The following CDH12 variants were observed in gnomAD, a reference collection of about 807,000 sequenced individuals.
The protein encoded by CDH12 is cadherin 12.
In CDH12, 41 loss-of-function variants were observed where a neutral mutation model predicts 74.1. The ratio of observed to expected loss-of-function variants is 0.55; its 90% confidence interval spans 0.43 to 0.72. The LOEUF (loss-of-function observed/expected upper bound fraction) is 0.72. Ranked by LOEUF, CDH12 falls within the 30% of genes least tolerant of loss-of-function variation. CDH12 has a pLI of 0.00. For synonymous variants in CDH12, 399 were observed against 355.0 expected, an observed-to-expected ratio of 1.12 and a Z score of -1.39; for missense variants, 945 against 977.2, an observed-to-expected ratio of 0.97 and a Z score of 0.44.
chr5:22,180,756 C>T (rs1580366267), intron 4 of CDH12, among the ~76,000 whole-genome samples: 1 of 152,064 alleles, frequency 6.6e-6, no homozygotes, highest in South Asian at 2.1e-4. Context: ...CTGTCTCAGC[C>T]TCCCAAAGTG....
At chr5:22,136,941 G>A (rs1197408141) in intron 4 of CDH12, among the ~76,000 whole-genome samples, 2 of 151,560 alleles carry the variant, frequency 1.3e-5, no homozygotes, top group Non-Finnish European at 2.9e-5. Context: ...GGAATTGTAA[G>A]CAAGGGAAGA....
chr5:22,820,040 T>C (rs1436050085), intron 1 of CDH12, among the ~76,000 whole-genome samples: 1 of 147,436 alleles, frequency 6.8e-6, no homozygotes, highest in East Asian at 2.0e-4. Context: ...CATATACATA[T>C]ATATACATAT....
intron 1 of CDH12, among the ~76,000 whole-genome samples, chr5:22,566,790 T>TA (rs1739308542): frequency 6.6e-6 from 1 of 152,134 alleles, no homozygotes; most frequent in Non-Finnish European, 1.5e-5. Flanking sequence ...ATAATAACAT[T>TA]ACTAAACAGG....
intron 1 of CDH12, among the ~76,000 whole-genome samples, chr5:22,682,927 G>A (rs1741573197): frequency 6.6e-6 from 1 of 152,086 alleles, no homozygotes; most frequent in South Asian, 2.1e-4. Context: ...ATATCACCCA[G>A]TGAGATGATC....
chr5:22,574,518 T>C (rs1016671733), intron 1 of CDH12, among the ~76,000 whole-genome samples: 1 of 152,176 alleles, frequency 6.6e-6, no homozygotes, highest in African/African-American at 2.4e-5. Context: ...ATCAAACTTA[T>C]TAATCTGTAC....
At chr5:22,625,268 C>T (rs1375164176) in intron 1 of CDH12, among the ~76,000 whole-genome samples, 1 of 152,010 alleles carries the variant, frequency 6.6e-6, no homozygotes, top group East Asian at 1.9e-4. Flanking sequence ...AACAAACCTG[C>T]ACATTGTGCA....
intron 1 of CDH12, among the ~76,000 whole-genome samples, chr5:22,574,622 C>G (rs1739694732): frequency 1.3e-5 from 2 of 152,042 alleles, no homozygotes. Flanking sequence ...AGATGGATTT[C>G]TATTATATGT....
chr5:22,322,247 C>G (rs1161058114), intron 3 of CDH12, among the ~76,000 whole-genome samples: 1 of 151,968 alleles, frequency 6.6e-6, no homozygotes, highest in Non-Finnish European at 1.5e-5. Flanking sequence ...AAGGCACCAG[C>G]TTAGGATTCC....
intron 5 of CDH12, among the ~76,000 whole-genome samples, chr5:22,065,570 C>A (rs184073652): frequency 6.6e-6 from 1 of 152,018 alleles, no homozygotes; most frequent in South Asian, 2.1e-4. Context: ...ACATTGGTAA[C>A]GCTAGAATGG....
At chr5:22,179,480 G>A (rs923650925) in intron 4 of CDH12, among the ~76,000 whole-genome samples, 1 of 152,088 alleles carries the variant, frequency 6.6e-6, no homozygotes, top group Non-Finnish European at 1.5e-5. Context: ...AAAGTTGGAA[G>A]ATAAATTAAA....
At chr5:22,392,469 C>A in intron 3 of CDH12, among the ~76,000 whole-genome samples, 1 of 152,154 alleles carries the variant, frequency 6.6e-6, no homozygotes, top group East Asian at 1.9e-4. Context: ...ACGTATTCAT[C>A]TGTAAAATGA....
chr5:22,633,530 G>T (rs1191250839), intron 1 of CDH12, among the ~76,000 whole-genome samples: 2 of 152,154 alleles, frequency 1.3e-5, no homozygotes, highest in African/African-American at 2.4e-5. Context: ...ACTAACATTT[G>T]AATTGGTGGA....
chr5:22,375,664 T>C (rs1439707995), intron 3 of CDH12, among the ~76,000 whole-genome samples: 2 of 152,036 alleles, frequency 1.3e-5, no homozygotes, highest in African/African-American at 4.8e-5. Context: ...AAAGAAGACA[T>C]ACAAATGGCT....
At chr5:22,071,559 C>T (rs1741939722) in intron 5 of CDH12, among the ~76,000 whole-genome samples, 1 of 152,046 alleles carries the variant, frequency 6.6e-6, no homozygotes, top group Non-Finnish European at 1.5e-5. Flanking sequence ...TTGCCTTTTG[C>T]CTCTTACTAA....
intron 1 of CDH12, among the ~76,000 whole-genome samples, chr5:22,579,977 A>C (rs1739999181): frequency 6.6e-6 from 1 of 152,214 alleles, no homozygotes; most frequent in African/African-American, 2.4e-5. Flanking sequence ...GCCTTGCTAC[A>C]TGCTCTGGCC....
intron 3 of CDH12, among the ~76,000 whole-genome samples, chr5:22,250,329 T>C (rs1753094580): frequency 6.6e-6 from 1 of 152,134 alleles, no homozygotes; most frequent in South Asian, 2.1e-4. Context: ...CTCTGCTCCA[T>C]TCAGCATTAG....
At chr5:22,113,010 CT>C (rs1744900047) in intron 4 of CDH12, among the ~76,000 whole-genome samples, 1 of 152,102 alleles carries the variant, frequency 6.6e-6, no homozygotes, top group Non-Finnish European at 1.5e-5. Context: ...AAATCATCAT[CT>C]GAGGACTAAA....
intron 8 of CDH12, among the ~76,000 whole-genome samples, chr5:21,826,198 A>G (rs1378833771): frequency 3.9e-5 from 6 of 152,088 alleles, no homozygotes; most frequent in Non-Finnish European, 8.8e-5. Context: ...GAGTTTTCCT[A>G]CTATACTTGG....
intron 5 of CDH12, among the ~76,000 whole-genome samples, chr5:22,009,688 T>G (rs905737281): frequency 6.6e-6 from 1 of 151,274 alleles, no homozygotes; most frequent in Non-Finnish European, 1.5e-5. Context: ...AGAAGAAAGT[T>G]TGTAGTTGGC....
Sources: gnomAD v4.1 joint callset for allele counts (sites outside exome capture counted in the v4.1 genomes callset) on GRCh38, gnomAD v4.1.1 for gene constraint, MANE v1.5 for transcripts, NCBI Gene and HGNC (gene_info 2026-07-23, HGNC 2026-07-21) for gene names.